B3GAT2: variants seen among roughly 807,000 people sequenced by gnomAD.
The protein encoded by B3GAT2 is beta-1,3-glucuronyltransferase 2.
B3GAT2 carries 26 observed loss-of-function variants against 27.8 expected under a neutral mutation model. The observed-to-expected ratio is 0.93, with a 90% CI of 0.68 to 1.30. The LOEUF (loss-of-function observed/expected upper bound fraction) is 1.30. B3GAT2 is among the 50% of genes most tolerant of loss of function. The pLI is 0.00. For missense variants in B3GAT2, 458 were observed against 459.0 expected (o/e 1.00, Z 0.02); for synonymous variants, 218 against 195.1 (o/e 1.12, Z -0.98).
chr6:70,900,029 G>T (rs779146223), intron 1 of B3GAT2, among the ~76,000 whole-genome samples: 1 of 152,160 alleles, frequency 6.6e-6, no homozygotes. Flanking sequence ...TGATAAAGGG[G>T]CAGCAATTCA....
chr6:70,949,713 C>A lies in B3GAT2; in HGVS notation c.591+6126G>T, dbSNP rs558357800. ...GCCATCCCATTACTGGGTATATACC[C>A]AAAGGACTATAAATCATGCTGCTAT... On this transcript the variant is annotated intron_variant, in intron 1 of 3. Coordinates refer to ENST00000230053, the MANE Select transcript of B3GAT2 (RefSeq NM_080742.3). 9.2e-3 allele frequency among the ~76,000 whole-genome samples: 1,398 copies of A among 151,740 alleles called. 24 individuals are homozygous for A. Among genetic ancestry groups the A allele is most frequent in the African/African-American group, 0.033 (1,351 of 41,296 alleles).
At chr6:70,899,573 A>G (rs1369087266) in intron 1 of B3GAT2, among the ~76,000 whole-genome samples, 1 of 151,920 alleles carries the variant, frequency 6.6e-6, no homozygotes, top group Admixed American at 6.5e-5. Context: ...TTGTCATATA[A>G]TTAGTTTAAA....
rs1360076096 is a variant in B3GAT2 at position 70,857,040 on chromosome 6, T to G, written c.*4623A>C. ...CAGCAAAGTACTCCTGGTAATGAAT[T>G]TTGATATCTGCTTTCAGTGACATTA... On this transcript the variant is annotated 3_prime_UTR_variant, in exon 4 of 4. Coordinates refer to ENST00000230053, the MANE Select transcript of B3GAT2 (RefSeq NM_080742.3). The G allele has an allele frequency of 6.3e-7, 1 of 1,592,558 alleles. No homozygotes were observed. Among genetic ancestry groups the G allele is most frequent in the East Asian group, 2.2e-5 (1 of 44,610 alleles).
chr6:70,951,456 T>C (rs1268756702), intron 1 of B3GAT2, among the ~76,000 whole-genome samples: 2 of 152,086 alleles, frequency 1.3e-5, no homozygotes. Flanking sequence ...ACAACATTCA[T>C]TGCACCAAGC....
chr6:70,945,751 A>C (rs1310286428), intron 1 of B3GAT2, among the ~76,000 whole-genome samples: 1 of 149,514 alleles, frequency 6.7e-6, no homozygotes, highest in Non-Finnish European at 1.5e-5. Flanking sequence ...GAGAAGAGCA[A>C]CTCCAAGACA....
chr6:70,950,984 T>A (rs1460764351), intron 1 of B3GAT2, among the ~76,000 whole-genome samples: 2 of 152,162 alleles, frequency 1.3e-5, no homozygotes, highest in Non-Finnish European at 2.9e-5. Context: ...TGGAGATGTA[T>A]TCTAAACCTA....
At chr6:70,936,494 T>G (rs1162909227) in intron 1 of B3GAT2, among the ~76,000 whole-genome samples, 2 of 151,978 alleles carry the variant, frequency 1.3e-5, no homozygotes, top group Admixed American at 1.3e-4. Context: ...ATTGACCACA[T>G]AGTTGGAAGT....
At chr6:70,887,408 C>T (rs1051040228) in intron 2 of B3GAT2, among the ~76,000 whole-genome samples, 9 of 152,140 alleles carry the variant, frequency 5.9e-5, no homozygotes, top group African/African-American at 1.9e-4. Flanking sequence ...AGTGATCCCT[C>T]GACCCCCTCC....
chr6:70,916,904 T>C (rs1772782824), intron 1 of B3GAT2, among the ~76,000 whole-genome samples: 1 of 152,222 alleles, frequency 6.6e-6, no homozygotes, highest in African/African-American at 2.4e-5. Context: ...AGGATGATGT[T>C]GGCCTTATAA....
In B3GAT2 at chr6:70,937,173, G is replaced by A. The variant is rs192461053; in HGVS notation, c.591+18666C>T. Among the ~76,000 whole-genome samples the A allele has an allele frequency of 8.5e-3, 1,288 of 151,620 alleles. 20 individuals are homozygous for A. The highest frequency in any genetic ancestry group is 0.028 in the African/African-American group (1,168 of 41,396). On this transcript the variant is annotated intron_variant, in intron 1 of 3. Transcript: ENST00000230053. ...CTAGAAGAAATGGATAAATTCCTCG[G>A]CACATACACCCTCCCAAGACTAAAC... is the stretch of plus-strand genomic sequence containing the variant.
intron 1 of B3GAT2, among the ~76,000 whole-genome samples, chr6:70,940,951 C>T (rs974258876): frequency 6.6e-6 from 1 of 152,150 alleles, no homozygotes; most frequent in Non-Finnish European, 1.5e-5. Context: ...CATCAGAAGT[C>T]AGAACCCACA....
At chr6:70,931,175 G>A (rs1311271393) in intron 1 of B3GAT2, among the ~76,000 whole-genome samples, 1 of 151,988 alleles carries the variant, frequency 6.6e-6, no homozygotes, top group African/African-American at 2.4e-5. Flanking sequence ...CACACACTGG[G>A]GCCTGTAGTG....
At chr6:70,905,170 G>A (rs1157837924) in intron 1 of B3GAT2, among the ~76,000 whole-genome samples, 2 of 152,168 alleles carry the variant, frequency 1.3e-5, no homozygotes, top group African/African-American at 2.4e-5. Flanking sequence ...AGCAACTGCT[G>A]TAGAATAGAA....
intron 1 of B3GAT2, among the ~76,000 whole-genome samples, chr6:70,920,095 A>G (rs1772842548): frequency 6.6e-6 from 1 of 152,054 alleles, no homozygotes; most frequent in African/African-American, 2.4e-5. Flanking sequence ...TTACGCTGTG[A>G]GCATAGAACC....
intron 1 of B3GAT2, among the ~76,000 whole-genome samples, chr6:70,943,148 C>T (rs1765420824): frequency 6.6e-6 from 1 of 152,074 alleles, no homozygotes. Context: ...AGCAAATCCA[C>T]CTCCAAGTTT....
At chr6:70,871,922 A>T (rs1771944882) in intron 2 of B3GAT2, among the ~76,000 whole-genome samples, 1 of 151,770 alleles carries the variant, frequency 6.6e-6, no homozygotes, top group African/African-American at 2.4e-5. Context: ...TCTTCAAAAT[A>T]TTTCCCAATT....
intron 2 of B3GAT2, among the ~76,000 whole-genome samples, chr6:70,886,844 C>T (rs1334143214): frequency 1.3e-5 from 2 of 152,188 alleles, no homozygotes; most frequent in Non-Finnish European, 2.9e-5. Context: ...GGCAGGCTGC[C>T]TATTGCCCCA....
Position 70,860,013 on chromosome 6 carries a change from GAAAGTAGAT to G in B3GAT2, c.*1641_*1649del. On this transcript the variant is annotated 3_prime_UTR_variant, in exon 4 of 4. Transcript: ENST00000230053. ...TTAATCTTTGGGGAAACTGTATCTAGAAAGTAGATAAAGAAGGGAACAAAGTAGCTATTT... is the reference window on the plus strand; with the variant it reads ...TTAATCTTTGGGGAAACTGTATCTAGAAAGAAGGGAACAAAGTAGCTATTT... 1 of 536,528 alleles carries G rather than the reference GAAAGTAGAT, an allele frequency of 1.9e-6. No homozygotes were observed. The highest frequency in any genetic ancestry group is 3.5e-5 in the East Asian group (1 of 28,962). The allele number at this position is 536,528 out of a possible 1,614,324, so 33.2% of individuals were successfully genotyped here.
In B3GAT2 at chr6:70,857,913, G is replaced by A. The variant is rs969870908; in HGVS notation, c.*3750C>T. 2 of 1,611,122 alleles carry A rather than the reference G, an allele frequency of 1.2e-6. No individual in the cohort carries two copies. Among genetic ancestry groups the A allele is most frequent in the African/African-American group, 2.7e-5 (2 of 74,702 alleles). ...CTCTGTCTTCATTCATTTTCTTTTTGTGGTGCAGGTGTATTTATGGGACCC... is the reference window on the plus strand; with the variant it reads ...CTCTGTCTTCATTCATTTTCTTTTTATGGTGCAGGTGTATTTATGGGACCC... On this transcript the variant is annotated 3_prime_UTR_variant, in exon 4 of 4. Coordinates refer to ENST00000230053, the MANE Select transcript of B3GAT2 (RefSeq NM_080742.3).
Sources: allele counts gnomAD v4.1 joint callset (sites outside exome capture counted in the v4.1 genomes callset), GRCh38; gene constraint gnomAD v4.1.1; transcripts MANE v1.5; gene names NCBI Gene and HGNC (gene_info 2026-07-23, HGNC 2026-07-21).